Variants in LYST observed in about 807,000 individuals in gnomAD.
LYST encodes the protein lysosomal-trafficking regulator.
In LYST, 192 loss-of-function variants were observed where a neutral mutation model predicts 413.6. The observed-to-expected ratio is 0.46, with a 90% CI of 0.41 to 0.52. The LOEUF (loss-of-function observed/expected upper bound fraction) is 0.52, where lower values mean the gene tolerates loss of function less well. Among genes scored for constraint, LYST ranks in the 20% least tolerant of loss-of-function variants. The probability of loss-of-function intolerance (pLI) is 0.00; values close to 1 mark genes in which losing one functional copy is unlikely to be tolerated. For missense variants in LYST, 3,815 were observed against 4,499.9 expected, an observed-to-expected ratio of 0.85 and a Z score of 4.35; for synonymous variants, 1,525 against 1,567.3, an observed-to-expected ratio of 0.97 and a Z score of 0.64.
In LYST at chr1:235,783,614, G is replaced by A. The variant is rs370677118; in HGVS notation, c.4863-1527C>T. Among the ~76,000 whole-genome samples, 7 of 151,924 alleles carry A rather than the reference G, an allele frequency of 4.6e-5. No individual in the cohort carries two copies. The East Asian group carries it at 7.7e-4, about 17-fold the overall frequency. On this transcript the variant is annotated intron_variant, in intron 14 of 52. Transcript: ENST00000389793. Reference sequence around the variant, plus strand: ...GTATACCTATGTAACAAACCTGCACGTTCTGCACATGTATCCCAGAACTAA... The same window carrying A: ...GTATACCTATGTAACAAACCTGCACATTCTGCACATGTATCCCAGAACTAA...
intron 30 of LYST, among the ~76,000 whole-genome samples, chr1:235,743,087 C>T (rs769290765): frequency 2.6e-5 from 4 of 152,130 alleles, no homozygotes; most frequent in Non-Finnish European, 2.9e-5. Flanking sequence ...CAGGCATTCA[C>T]CAGGGGTCCT....
At chr1:235,812,187 C>T (rs1465330450) in intron 4 of LYST, among the ~76,000 whole-genome samples, 1 of 151,240 alleles carries the variant, frequency 6.6e-6, no homozygotes, top group Non-Finnish European at 1.5e-5. Context: ...ATAATTCTAC[C>T]CAAGCTTGAA....
At chr1:235,752,885 T>C (rs898879181) in intron 26 of LYST, among the ~76,000 whole-genome samples, 159 bp downstream of exon 26, 2 of 152,008 alleles carry the variant, frequency 1.3e-5, no homozygotes, top group African/African-American at 2.4e-5. Context: ...TTTTCTTTCT[T>C]TCTGTTATTA....
In LYST at chr1:235,664,544, A is replaced by G. The variant is rs1481260242; in HGVS notation, c.11116T>C (p.Cys3706Arg). The G allele has an allele frequency of 6.2e-7, 1 of 1,614,048 alleles. No individual in the cohort carries two copies. Among genetic ancestry groups the G allele is most frequent in the Non-Finnish European group, 8.5e-7 (1 of 1,179,988 alleles). Residue 3706 changes from cysteine (C) to arginine (R), a missense_variant, in exon 51 of 53, where the codon TGT (cysteine) becomes CGT (arginine). This residue lies in a region of LYST where 866 missense variants were observed against 1,156.0 expected (regional missense o/e 0.75). Transcript: ENST00000389793. This position sits in a 1 kb window ranked among gnomAD's most constrained non-coding sequence, Gnocchi z 4.5. ...GGCTGGTTGGAGAAAGCCACGGAAC[A>G]GATGATCTCCCTGCAGTGGACATGT... ...VGHVHCREII[C>R]SVAFSNQPEG... is the part of the protein sequence containing the mutation.
At chr1:235,859,105 A>AGAT (rs1679560578) in intron 1 of LYST, among the ~76,000 whole-genome samples, 1 of 152,198 alleles carries the variant, frequency 6.6e-6, no homozygotes, top group South Asian at 2.1e-4. Flanking sequence ...AGAGAAAAAG[A>AGAT]GATGTCATCC....
rs759296565 is a variant in LYST, at chr1:235,712,214, A to G, written c.9785-17T>C. The G allele has an allele frequency of 2.6e-6, 4 of 1,541,508 alleles. No individual in the cohort carries two copies. Among genetic ancestry groups the G allele is most frequent in the East Asian group, 2.3e-5 (1 of 43,116 alleles). On this transcript the variant is annotated splice_polypyrimidine_tract_variant and intron_variant, in intron 42 of 52. Coordinates refer to ENST00000389793, the MANE Select transcript of LYST (RefSeq NM_000081.4). Reference sequence around the variant, plus strand: ...AACTTTGATCTATAAAAAAATACAAATAATACGATTAAGACACAAAGACCT... The same window carrying G: ...AACTTTGATCTATAAAAAAATACAAGTAATACGATTAAGACACAAAGACCT...
At chr1:235,841,427 T>C (rs1462054576) in intron 1 of LYST, among the ~76,000 whole-genome samples, 1 of 152,180 alleles carries the variant, frequency 6.6e-6, no homozygotes, top group East Asian at 1.9e-4. Flanking sequence ...CAGCTCTGAT[T>C]GTGTGTACTT....
In LYST at chr1:235,730,858, A is replaced by G. The variant is rs1664320579; in HGVS notation, c.9033T>C (p.Ser3011=). Residue 3011 remains serine (S), a synonymous_variant, in exon 36 of 53, where the codon AGT becomes AGC. Coordinates refer to ENST00000389793, the MANE Select transcript of LYST (RefSeq NM_000081.4). Reference sequence around the variant, plus strand: ...TGATTCAAAGTTACCTTATAGATTCACTTGCAGCTTTGTCTTTGACAGTAG... The same window carrying G: ...TGATTCAAAGTTACCTTATAGATTCGCTTGCAGCTTTGTCTTTGACAGTAG... ...FSSTVKDKAA[S]ESIRVNRRCI... The G allele has an allele frequency of 6.2e-7, 1 of 1,603,660 alleles. No homozygotes were observed. Among genetic ancestry groups the G allele is most frequent in the Non-Finnish European group, 8.5e-7 (1 of 1,170,580 alleles).
At chr1:235,771,258 CAAAT>C (rs1382829915) in intron 19 of LYST, among the ~76,000 whole-genome samples, 1 of 152,022 alleles carries the variant, frequency 6.6e-6, no homozygotes, top group Admixed American at 6.6e-5. Context: ...TGTAAACAAA[CAAAT>C]ACCAACAAAA....
chr1:235,836,799 T>G (rs1676628238), intron 1 of LYST, among the ~76,000 whole-genome samples: 1 of 152,208 alleles, frequency 6.6e-6, no homozygotes, highest in African/African-American at 2.4e-5. Flanking sequence ...TAGGTAAGAC[T>G]GACATAAGAA....
chr1:235,709,065 C>G (rs747195191), intron 44 of LYST, 26 bp downstream of exon 44: 2 of 1,588,906 alleles, frequency 1.3e-6, no homozygotes, highest in South Asian at 2.2e-5. Flanking sequence ...TATATAAATA[C>G]AGATTGTTTT....
At chr1:235,743,842 T>C (rs1665654879) in intron 30 of LYST, 137 bp downstream of exon 30, 1 of 585,768 alleles carries the variant, frequency 1.7e-6, no homozygotes. Flanking sequence ...TAATTAAAAA[T>C]TCAAGTTGTC....
chr1:235,813,188 C>T, intron 3 of LYST, 127 bp from the exon 4 acceptor site: 1 of 694,468 alleles, frequency 1.4e-6, no homozygotes, highest in Non-Finnish European at 2.7e-6. Context: ...AGCTAAGAAT[C>T]AAATTAACCT....
chr1:235,818,589 T>C (rs1674419247), intron 3 of LYST, among the ~76,000 whole-genome samples: 2 of 152,052 alleles, frequency 1.3e-5, no homozygotes, highest in Non-Finnish European at 2.9e-5. Context: ...TCATACTCAG[T>C]ATACCTCAAC....
At chr1:235,701,161 G>C (rs989896660) in intron 45 of LYST, among the ~76,000 whole-genome samples, 1 of 152,178 alleles carries the variant, frequency 6.6e-6, no homozygotes, top group Non-Finnish European at 1.5e-5. Flanking sequence ...GGAGCAAAGA[G>C]TCATCACAAA....
intron 14 of LYST, among the ~76,000 whole-genome samples, chr1:235,785,910 C>A (rs74489555): frequency 0.029 from 4,433 of 152,244 alleles, 198 homozygotes; most frequent in African/African-American, 0.1. Flanking sequence ...ACTTGGCTCA[C>A]AATTCTCCTA....
At chr1:235,853,390 C>T (rs1027286618) in intron 1 of LYST, among the ~76,000 whole-genome samples, 2 of 151,918 alleles carry the variant, frequency 1.3e-5, no homozygotes, top group Admixed American at 1.3e-4. Flanking sequence ...AATGGTTGTG[C>T]TGTTCCTATA....
Position 235,770,255 on chromosome 1 carries a change from T to C in LYST, c.5827A>G (p.Ile1943Val). The C allele has an allele frequency of 6.2e-7, 1 of 1,613,686 alleles. No individual in the cohort carries two copies. The highest frequency in any genetic ancestry group is 8.5e-7 in the Non-Finnish European group (1 of 1,179,686). Reference sequence around the variant, plus strand: ...ATCTGCTGGTGGTGATCTGCTCTGATGAGGACTTCTAGAGCTGCTAGCAAA... The same window carrying C: ...ATCTGCTGGTGGTGATCTGCTCTGACGAGGACTTCTAGAGCTGCTAGCAAA... The part of the protein sequence containing the change: ...ETLLAALEVL[I>V]RADHHQQMFN... Residue 1943 changes from isoleucine (I) to valine (V), a missense_variant, in exon 20 of 53, where the codon ATC (isoleucine) becomes GTC (valine). Transcript: ENST00000389793.
chr1:235,777,131 A>C lies in LYST; in HGVS notation c.5392T>G (p.Tyr1798Asp). 1 of 1,613,128 alleles carries C rather than the reference A, an allele frequency of 6.2e-7. No individual in the cohort carries two copies. The highest frequency in any genetic ancestry group is 8.5e-7 in the Non-Finnish European group (1 of 1,179,204). Residue 1798 changes from tyrosine (Y) to aspartate (D), a missense_variant, in exon 17 of 53, where the codon TAT becomes GAT. Coordinates refer to ENST00000389793, the MANE Select transcript of LYST (RefSeq NM_000081.4). ...TGCAGAATGCCTTGAATAGTTTTAT[A>C]TTCAGTAGGTTGGAGATTCTTTAGA... ...HHLKNLQPTE[Y>D]KTIQGILHEI...
Sources: gnomAD v4.1 joint callset for allele counts (sites outside exome capture counted in the v4.1 genomes callset) on GRCh38, gnomAD v4.1.1 for gene constraint, gnomAD v4.1.1 regional missense constraint, Gnocchi (gnomAD v3.1) non-coding constraint, MANE v1.5 for transcripts, NCBI Gene and HGNC (gene_info 2026-07-23, HGNC 2026-07-21) for gene names.